The following CNTNAP2 variants were observed in gnomAD, a reference collection of about 807,000 sequenced individuals.
The protein encoded by CNTNAP2 is contactin-associated protein-like 2.
CNTNAP2 carries 98 observed loss-of-function variants against 155.2 expected under a neutral mutation model. That is an observed-to-expected ratio of 0.63 (90% CI 0.54 to 0.75). The LOEUF is 0.75. CNTNAP2 is among the 30% of genes least tolerant of loss of function. The probability of loss-of-function intolerance (pLI) is 0.00; values close to 1 mark genes in which losing one functional copy is unlikely to be tolerated. For synonymous variants in CNTNAP2, 651 were observed against 631.2 expected, an observed-to-expected ratio of 1.03 and a Z score of -0.47; for missense variants, 1,727 against 1,688.1, an observed-to-expected ratio of 1.02 and a Z score of -0.40.
intron 14 of CNTNAP2, among the ~76,000 whole-genome samples, chr7:147,945,958 C>T (rs1418299670): frequency 1.3e-5 from 2 of 149,194 alleles, no homozygotes; most frequent in African/African-American, 4.9e-5. Flanking sequence ...ACCTCCGCCT[C>T]CCAGGTTCAA....
intron 8 of CNTNAP2, among the ~76,000 whole-genome samples, chr7:147,294,912 G>A (rs1467289828): frequency 2.6e-5 from 4 of 151,938 alleles, no homozygotes; most frequent in African/African-American, 7.3e-5. Context: ...CACCCGCCTC[G>A]GCCTCCCATA....
At chr7:147,101,866 G>A (rs952434987) in intron 4 of CNTNAP2, among the ~76,000 whole-genome samples, 3 of 152,142 alleles carry the variant, frequency 2.0e-5, no homozygotes, top group Admixed American at 6.5e-5. Context: ...TGGGGAGCAC[G>A]GCAGGCCAGG....
intron 3 of CNTNAP2, among the ~76,000 whole-genome samples, chr7:146,958,898 T>G (rs925403280): frequency 6.6e-6 from 1 of 152,150 alleles, no homozygotes; most frequent in South Asian, 2.1e-4. Context: ...CCTCTTCTTA[T>G]CATTTTTCTT....
intron 10 of CNTNAP2, among the ~76,000 whole-genome samples, chr7:147,427,057 T>C (rs1055026648): frequency 6.6e-6 from 1 of 152,088 alleles, no homozygotes; most frequent in Admixed American, 6.6e-5. Flanking sequence ...ACCAGCAGGA[T>C]TGGTGTCTGA....
chr7:147,689,355 G>C (rs1796057639), intron 13 of CNTNAP2, among the ~76,000 whole-genome samples: 1 of 151,812 alleles, frequency 6.6e-6, no homozygotes, highest in African/African-American at 2.4e-5. Flanking sequence ...TCACCAAGTT[G>C]GCCAGGCTTG....
chr7:147,700,125 A>G (rs1277396114), intron 13 of CNTNAP2, among the ~76,000 whole-genome samples: 1 of 152,106 alleles, frequency 6.6e-6, no homozygotes, highest in East Asian at 1.9e-4. Flanking sequence ...CCTAGTCCTA[A>G]GTGGGGCTGA....
At chr7:148,262,706 C>T (rs1292025071) in intron 20 of CNTNAP2, among the ~76,000 whole-genome samples, 3 of 152,194 alleles carry the variant, frequency 2.0e-5, no homozygotes, top group Non-Finnish European at 4.4e-5. Context: ...ATCTTAATCA[C>T]ATCTGTAAAG....
At chr7:146,249,030 G>T (rs1459156408) in intron 1 of CNTNAP2, among the ~76,000 whole-genome samples, 1 of 152,154 alleles carries the variant, frequency 6.6e-6, no homozygotes, top group Non-Finnish European at 1.5e-5. Context: ...AAGGTACTCA[G>T]TGGGGGAGCT....
chr7:146,575,912 A>G (rs1323887932), intron 1 of CNTNAP2, among the ~76,000 whole-genome samples: 3 of 152,224 alleles, frequency 2.0e-5, no homozygotes, highest in African/African-American at 7.2e-5. Context: ...AAAGGAAAAG[A>G]AAGGAGAGAG....
chr7:146,600,372 A>G (rs1456849439), intron 1 of CNTNAP2, among the ~76,000 whole-genome samples: 1 of 152,178 alleles, frequency 6.6e-6, no homozygotes, highest in African/African-American at 2.4e-5. Flanking sequence ...CAACTTAAAA[A>G]TACTTACAAA....
intron 13 of CNTNAP2, among the ~76,000 whole-genome samples, chr7:147,752,154 T>A (rs75945683): frequency 0.011 from 1,675 of 152,348 alleles, 96 homozygotes; most frequent in Admixed American, 0.087. Flanking sequence ...AATCGGTTTC[T>A]TTGATACAGA....
intron 14 of CNTNAP2, among the ~76,000 whole-genome samples, chr7:147,924,725 T>C (rs561986690): frequency 8.2e-4 from 125 of 152,176 alleles, no homozygotes; most frequent in Admixed American, 3.1e-3. Flanking sequence ...AGGTGAAAGA[T>C]GTAAGCCCAG....
At chr7:146,970,097 CA>C (rs563512191) in intron 3 of CNTNAP2, among the ~76,000 whole-genome samples, 10 of 152,054 alleles carry the variant, frequency 6.6e-5, no homozygotes, top group Non-Finnish European at 1.5e-4. Flanking sequence ...GACCTAAAAC[CA>C]TAAAAACCCT....
intron 11 of CNTNAP2, among the ~76,000 whole-genome samples, chr7:147,551,544 C>T (rs1324116135): frequency 1.3e-5 from 2 of 152,120 alleles, no homozygotes; most frequent in African/African-American, 2.4e-5. Flanking sequence ...TAGCAATAGT[C>T]TGATATTTTT....
At chr7:147,832,365 A>G (rs1008576045) in intron 13 of CNTNAP2, among the ~76,000 whole-genome samples, 1 of 146,550 alleles carries the variant, frequency 6.8e-6, no homozygotes, top group African/African-American at 2.5e-5. Flanking sequence ...TAATATATTT[A>G]ATATATATTA....
intron 15 of CNTNAP2, among the ~76,000 whole-genome samples, chr7:148,055,552 A>G (rs1447662269): frequency 6.6e-6 from 1 of 152,228 alleles, no homozygotes; most frequent in Admixed American, 6.5e-5. Flanking sequence ...GGACAATGAT[A>G]GCCCTTCTCT....
At chr7:147,743,865 G>A (rs1018519569) in intron 13 of CNTNAP2, among the ~76,000 whole-genome samples, 9 of 152,058 alleles carry the variant, frequency 5.9e-5, no homozygotes, top group African/African-American at 1.9e-4. Flanking sequence ...CCATGGTGAT[G>A]GCTACTGTGG....
chr7:147,133,178 T>C (rs1013189242), intron 8 of CNTNAP2, among the ~76,000 whole-genome samples: 3 of 152,100 alleles, frequency 2.0e-5, no homozygotes, highest in African/African-American at 7.2e-5. Flanking sequence ...CTTTGATAAA[T>C]ACAGTACAAA....
At chr7:147,307,393 T>C (rs1010888279) in intron 9 of CNTNAP2, among the ~76,000 whole-genome samples, 6 of 151,800 alleles carry the variant, frequency 4.0e-5, no homozygotes, top group Non-Finnish European at 7.4e-5. Context: ...GCCTGGCCAA[T>C]ATGATGAAAC....
Sources: gnomAD v4.1 joint callset for allele counts (sites outside exome capture counted in the v4.1 genomes callset) on GRCh38, gnomAD v4.1.1 for gene constraint, MANE v1.5 for transcripts, NCBI Gene and HGNC (gene_info 2026-07-23, HGNC 2026-07-21) for gene names.